Variants in BTBD9 observed in about 807,000 individuals in gnomAD.
The protein encoded by BTBD9 is BTB/POZ domain-containing protein 9.
A neutral mutation model predicts 64.3 loss-of-function variants in BTBD9; 49 were observed. The observed-to-expected ratio is 0.76, with a 90% CI of 0.61 to 0.97. The LOEUF (loss-of-function observed/expected upper bound fraction) is 0.97, where lower values mean the gene tolerates loss of function less well. BTBD9 is among the 50% of genes least tolerant of loss of function. The probability of loss-of-function intolerance (pLI) is 0.00; values close to 1 mark genes in which losing one functional copy is unlikely to be tolerated. For synonymous variants in BTBD9, 260 were observed against 274.7 expected (o/e 0.95, Z 0.53); for missense variants, 598 against 762.1 (o/e 0.78, Z 2.53).
intron 6 of BTBD9, among the ~76,000 whole-genome samples, chr6:38,544,452 G>T (rs1445373071): frequency 2.6e-5 from 4 of 152,004 alleles, no homozygotes; most frequent in African/African-American, 9.7e-5. Context: ...TATATGGGGA[G>T]GGTGCTACAA....
At chr6:38,309,854 TA>T (rs1762764638) in intron 7 of BTBD9, among the ~76,000 whole-genome samples, 1 of 152,164 alleles carries the variant, frequency 6.6e-6, no homozygotes, top group Admixed American at 6.5e-5. Context: ...TGATTTTTTC[TA>T]AAAGTAGTAC....
Position 38,607,210 on chromosome 6 carries a change from G to A in BTBD9, c.-27-9089C>T, listed in dbSNP as rs983730660. Among the ~76,000 whole-genome samples the A allele has an allele frequency of 6.6e-5, 10 of 152,004 alleles. 1 individual carries two copies. Among genetic ancestry groups the A allele is most frequent in the Admixed American group, 5.2e-4 (8 of 15,272 alleles). On this transcript the variant is annotated intron_variant, in intron 1 of 10. Transcript: ENST00000481247. ...ACAAGAATACTGTTGACACAAATATGCATCAATATATACTACAGGGTTAAG... is the reference window on the plus strand; with the variant it reads ...ACAAGAATACTGTTGACACAAATATACATCAATATATACTACAGGGTTAAG...
intron 6 of BTBD9, among the ~76,000 whole-genome samples, chr6:38,545,185 G>A (rs980079288): frequency 1.3e-5 from 2 of 151,700 alleles, no homozygotes; most frequent in Non-Finnish European, 2.9e-5. Context: ...TCCGCCTCCC[G>A]GGTTCAAGCA....
chr6:38,618,217 C>T (rs1413058128), intron 1 of BTBD9, among the ~76,000 whole-genome samples: 2 of 152,204 alleles, frequency 1.3e-5, no homozygotes. Context: ...ACCCGCAAAA[C>T]CTGAAAAAGC....
chr6:38,310,222 C>A lies in BTBD9; in HGVS notation c.1265-21761G>T, dbSNP rs144638776. Among the ~76,000 whole-genome samples the A allele has an allele frequency of 8.9e-4, 136 of 152,268 alleles. 2 individuals carry two copies. In the East Asian group the frequency reaches 0.011, roughly 12 times the overall value. Reference sequence around the variant, plus strand: ...AAACCACAAAGGGTGCCTGAGGGAACAACTTGTCCCACTGGGCACTCTCAG... The same window carrying A: ...AAACCACAAAGGGTGCCTGAGGGAAAAACTTGTCCCACTGGGCACTCTCAG... On this transcript the variant is annotated intron_variant, in intron 7 of 10. Coordinates refer to ENST00000481247, the MANE Select transcript of BTBD9 (RefSeq NM_001099272.2).
intron 4 of BTBD9, among the ~76,000 whole-genome samples, chr6:38,586,363 T>TCCA (rs1042324464): frequency 4.6e-5 from 7 of 151,788 alleles, no homozygotes; most frequent in African/African-American, 1.7e-4. Context: ...TAAACTACCT[T>TCCA]CCAGAAAGAC....
At chr6:38,280,693 T>G (rs1344839259) in intron 8 of BTBD9, among the ~76,000 whole-genome samples, 1 of 152,208 alleles carries the variant, frequency 6.6e-6, no homozygotes, top group African/African-American at 2.4e-5. Context: ...GCAAGCATTT[T>G]TACCTGTGCT....
At chr6:38,353,347 A>G (rs1185927024) in intron 6 of BTBD9, among the ~76,000 whole-genome samples, 1 of 151,870 alleles carries the variant, frequency 6.6e-6, no homozygotes, top group Non-Finnish European at 1.5e-5. Context: ...AAGGGATTAT[A>G]GAGAGAGAAA....
chr6:38,343,437 A>T (rs1764174214), intron 7 of BTBD9, among the ~76,000 whole-genome samples: 2 of 152,210 alleles, frequency 1.3e-5, no homozygotes, highest in African/African-American at 4.8e-5. Flanking sequence ...TGAAATGAGT[A>T]GCCAAATGCT....
At chr6:38,477,981 C>A (rs975438083) in intron 6 of BTBD9, among the ~76,000 whole-genome samples, 1 of 152,158 alleles carries the variant, frequency 6.6e-6, no homozygotes, top group African/African-American at 2.4e-5. Flanking sequence ...ACGGTGCAAC[C>A]TCTCTGGGCT....
intron 7 of BTBD9, among the ~76,000 whole-genome samples, chr6:38,324,369 A>G (rs1218683707): frequency 1.3e-5 from 2 of 152,236 alleles, no homozygotes; most frequent in Admixed American, 6.5e-5. Flanking sequence ...ATGTCTAGGC[A>G]GCAGGTGTCC....
chr6:38,176,384 C>A (rs1453468350), intron 10 of BTBD9, among the ~76,000 whole-genome samples: 2 of 152,246 alleles, frequency 1.3e-5, no homozygotes, highest in African/African-American at 4.8e-5. Flanking sequence ...CACATTTTCT[C>A]ATATGAAGAC....
chr6:38,614,086 A>G (rs918089522), intron 1 of BTBD9, among the ~76,000 whole-genome samples: 1 of 152,082 alleles, frequency 6.6e-6, no homozygotes, highest in African/African-American at 2.4e-5. Context: ...GGCTCTTCTG[A>G]GTTGTCAAGT....
chr6:38,481,135 G>A (rs567157851), intron 6 of BTBD9, among the ~76,000 whole-genome samples: 1 of 152,070 alleles, frequency 6.6e-6, no homozygotes, highest in Admixed American at 6.5e-5. Context: ...TAACGTGAGA[G>A]GAGCCCATGA....
intron 6 of BTBD9, among the ~76,000 whole-genome samples, chr6:38,439,724 G>A (rs1364412789): frequency 6.6e-6 from 1 of 152,114 alleles, no homozygotes; most frequent in African/African-American, 2.4e-5. Context: ...ACCACACCTG[G>A]CCGCAACTGT....
chr6:38,215,027 A>T (rs1762964315), intron 9 of BTBD9, among the ~76,000 whole-genome samples: 1 of 152,226 alleles, frequency 6.6e-6, no homozygotes, highest in South Asian at 2.1e-4. Context: ...TGCTGAAGCT[A>T]CATCAGCTGA....
At chr6:38,492,191 G>A (rs894839493) in intron 6 of BTBD9, among the ~76,000 whole-genome samples, 1 of 152,084 alleles carries the variant, frequency 6.6e-6, no homozygotes, top group Non-Finnish European at 1.5e-5. Flanking sequence ...CTGGGATCTC[G>A]GTTCACAGTC....
chr6:38,335,168 C>T (rs1279510602), intron 7 of BTBD9, among the ~76,000 whole-genome samples: 1 of 152,172 alleles, frequency 6.6e-6, no homozygotes, highest in Non-Finnish European at 1.5e-5. Context: ...CTCTCCCCAG[C>T]CATGCACAAC....
intron 6 of BTBD9, among the ~76,000 whole-genome samples, chr6:38,542,885 C>T (rs1774352428): frequency 6.6e-6 from 1 of 152,170 alleles, no homozygotes; most frequent in Admixed American, 6.5e-5. Flanking sequence ...ACTACCTGGC[C>T]ACTGAAAGCA....
Sources: gnomAD v4.1 joint callset for allele counts (sites outside exome capture counted in the v4.1 genomes callset) on GRCh38, gnomAD v4.1.1 for gene constraint, MANE v1.5 for transcripts, NCBI Gene and HGNC (gene_info 2026-07-23, HGNC 2026-07-21) for gene names.